The following PTPRE variants were observed in gnomAD, a reference collection of about 807,000 sequenced individuals.
PTPRE encodes protein tyrosine phosphatase receptor type E, also known as receptor-type tyrosine-protein phosphatase epsilon.
A neutral mutation model predicts 102.0 loss-of-function variants in PTPRE; 51 were observed. That is an observed-to-expected ratio of 0.50 (90% CI 0.40 to 0.63). PTPRE has a LOEUF of 0.63. Among genes scored for constraint, PTPRE ranks in the 30% least tolerant of loss-of-function variants. The pLI, the probability that PTPRE is intolerant of heterozygous loss-of-function variation, is 0.00. For missense variants in PTPRE, 752 were observed against 915.1 expected (o/e 0.82, Z 2.30); for synonymous variants, 345 against 348.2 (o/e 0.99, Z 0.10).
intron 1 of PTPRE, among the ~76,000 whole-genome samples, chr10:127,976,612 T>C (rs1347748475): frequency 6.6e-6 from 1 of 152,224 alleles, no homozygotes; most frequent in African/African-American, 2.4e-5. Context: ...TGGGTCTTTT[T>C]CTTCCCCCAG....
chr10:127,935,640 G>A (rs1412411384), intron 1 of PTPRE, among the ~76,000 whole-genome samples: 1 of 152,054 alleles, frequency 6.6e-6, no homozygotes, highest in Non-Finnish European at 1.5e-5. Flanking sequence ...CCTCTTCTGC[G>A]GAGTACCCTG....
At chr10:128,034,583 G>A (rs996233865) in intron 2 of PTPRE, among the ~76,000 whole-genome samples, 1 of 152,112 alleles carries the variant, frequency 6.6e-6, no homozygotes, top group Non-Finnish European at 1.5e-5. Flanking sequence ...TGTAGTCCCA[G>A]CTACTTGGGA....
At position 128,028,205 on chromosome 10, in the gene PTPRE, C is replaced by G. The variant is rs1846428481; in HGVS notation, c.-7-12670C>G. Among the ~76,000 whole-genome samples the G allele has an allele frequency of 2.0e-5, 3 of 152,300 alleles. No individual in the cohort carries two copies. In the South Asian group the frequency reaches 6.2e-4, roughly 32 times the overall value. ...GGAGGTTAGCCATGTTTGTCAGGCT[C>G]AGGGAGAAGTGAGGAGGCCTCCTTA... On this transcript the variant is annotated intron_variant, in intron 2 of 20. Coordinates refer to ENST00000254667, the MANE Select transcript of PTPRE (RefSeq NM_006504.6). This position sits in a 1 kb window ranked among gnomAD's most constrained non-coding sequence, Gnocchi z 4.5.
intron 2 of PTPRE, among the ~76,000 whole-genome samples, chr10:128,025,953 C>A (rs2135715713): frequency 6.6e-6 from 1 of 152,290 alleles, no homozygotes; most frequent in Non-Finnish European, 1.5e-5. Context: ...GGCTGCCTTT[C>A]TTTGGCAGCC....
chr10:128,066,524 A>G (rs1850107510), intron 11 of PTPRE, among the ~76,000 whole-genome samples: 1 of 152,146 alleles, frequency 6.6e-6, no homozygotes, highest in African/African-American at 2.4e-5. Flanking sequence ...TCACACACTG[A>G]CTGGGAGGTG....
intron 1 of PTPRE, among the ~76,000 whole-genome samples, chr10:127,922,515 C>A (rs762332711): frequency 2.0e-5 from 3 of 152,214 alleles, no homozygotes; most frequent in Non-Finnish European, 2.9e-5. Flanking sequence ...GAGCTGTGCT[C>A]TTCTCTTCCA....
intron 20 of PTPRE, among the ~76,000 whole-genome samples, chr10:128,082,296 C>T (rs1235450540): frequency 1.5e-5 from 2 of 135,634 alleles, no homozygotes; most frequent in African/African-American, 5.5e-5. Flanking sequence ...TCACTGCAAT[C>T]TGCCTCCTGG....
intron 10 of PTPRE, 65 bp from the exon 11 acceptor site, chr10:128,066,010 T>G: frequency 6.2e-7 from 1 of 1,611,344 alleles, no homozygotes; most frequent in Non-Finnish European, 8.5e-7. Flanking sequence ...TGTAGTTGGG[T>G]GGGGGGATGT....
At chr10:127,954,385 AG>A (rs1430111288) in intron 1 of PTPRE, among the ~76,000 whole-genome samples, 2 of 152,316 alleles carry the variant, frequency 1.3e-5, no homozygotes, top group South Asian at 2.1e-4. Context: ...TCATTGTGAA[AG>A]GGGCAGTGTT....
intron 1 of PTPRE, among the ~76,000 whole-genome samples, chr10:127,919,748 C>T (rs1189832150): frequency 6.6e-6 from 1 of 152,196 alleles, no homozygotes; most frequent in Non-Finnish European, 1.5e-5. Flanking sequence ...TGGCAAATTA[C>T]TTCCAGGAGA....
In PTPRE at chr10:128,068,309, C is replaced by T. The variant is rs556218896; in HGVS notation, c.1007+23C>T. The T allele has an allele frequency of 2.7e-5, 43 of 1,599,422 alleles. No homozygotes were observed. The Admixed American group carries it at 4.1e-4, about 15-fold the overall frequency. On this transcript the variant is annotated intron_variant, in intron 12 of 20. Coordinates refer to ENST00000254667, the MANE Select transcript of PTPRE (RefSeq NM_006504.6). ...TAGGTACGCTGTGGGGGCCACGGGG[C>T]GGGACCCTCAAGGGCAGGCCACAGT...
rs551178460 is a variant in PTPRE, at chr10:128,066,956, A to G, written c.843+762A>G. Among the ~76,000 whole-genome samples, 723 of 135,002 alleles carry G rather than the reference A, an allele frequency of 5.4e-3. 6 individuals carry two copies. Among genetic ancestry groups the G allele is most frequent in the Middle Eastern group, 0.035 (9 of 256 alleles). The allele number at this position is 135,002 out of a possible 152,430, so 88.6% of individuals were successfully genotyped here. A position where few individuals can be genotyped will look rare whatever the true frequency, so the allele number is the denominator to read the frequency against. On this transcript the variant is annotated intron_variant, in intron 11 of 20. Coordinates refer to ENST00000254667, the MANE Select transcript of PTPRE (RefSeq NM_006504.6). ...CATGCACACATGCACATACACCCAC[A>G]CACAGGCATACACATGCACACACAC...
At position 128,066,200 on chromosome 10, in the gene PTPRE, C is replaced by G; in HGVS notation, c.843+6C>G. ...GGAAGTTCTGCATACAGCCAGTAAG[C>G]ATCTCTAGTTGCTGCCCTTCCAGAA... On this transcript the variant is annotated splice_donor_region_variant and intron_variant, in intron 11 of 20. Coordinates refer to ENST00000254667, the MANE Select transcript of PTPRE (RefSeq NM_006504.6). 2 of 1,612,742 alleles carry G rather than the reference C, an allele frequency of 1.2e-6. No individual in the cohort carries two copies. The highest frequency in any genetic ancestry group is 1.1e-5 in the South Asian group (1 of 91,050).
intron 1 of PTPRE, among the ~76,000 whole-genome samples, chr10:127,956,047 G>A (rs1460138966): frequency 6.6e-6 from 1 of 152,044 alleles, no homozygotes; most frequent in Non-Finnish European, 1.5e-5. Flanking sequence ...ACTATATCAG[G>A]GATTAATGTG....
At chr10:127,981,434 C>T (rs1851602902) in intron 1 of PTPRE, among the ~76,000 whole-genome samples, 2 of 152,172 alleles carry the variant, frequency 1.3e-5, no homozygotes, top group Non-Finnish European at 2.9e-5. Flanking sequence ...AACCATTGAA[C>T]TGCACACTTT....
intron 1 of PTPRE, among the ~76,000 whole-genome samples, chr10:127,954,165 C>T (rs1439637070): frequency 3.9e-5 from 6 of 152,186 alleles, no homozygotes; most frequent in East Asian, 1.9e-4. Flanking sequence ...GTCATGGACT[C>T]GTGATCTAAG....
At chr10:128,012,371 C>T (rs1845092345) in intron 2 of PTPRE, among the ~76,000 whole-genome samples, 2 of 152,200 alleles carry the variant, frequency 1.3e-5, no homozygotes, top group Non-Finnish European at 2.9e-5. Context: ...CCAAACTTCT[C>T]CTTGCCCTGC....
At chr10:128,051,088 C>G (rs1265750598) in intron 6 of PTPRE, among the ~76,000 whole-genome samples, 1 of 152,212 alleles carries the variant, frequency 6.6e-6, no homozygotes, top group Non-Finnish European at 1.5e-5. Context: ...GACCTTAATT[C>G]TCATTTTCAA....
At chr10:127,945,166 GT>G (rs1418457563) in intron 1 of PTPRE, among the ~76,000 whole-genome samples, 2 of 152,312 alleles carry the variant, frequency 1.3e-5, no homozygotes, top group Non-Finnish European at 2.9e-5. Context: ...CCAGTACCTG[GT>G]TGGTTTTCGA....
Sources: gnomAD v4.1 joint callset for allele counts (sites outside exome capture counted in the v4.1 genomes callset) on GRCh38, gnomAD v4.1.1 for gene constraint, Gnocchi (gnomAD v3.1) non-coding constraint, MANE v1.5 for transcripts, NCBI Gene and HGNC (gene_info 2026-07-23, HGNC 2026-07-21) for gene names.